Variants in MARF1 observed in about 807,000 individuals in gnomAD.
MARF1 encodes the protein limkain-b1.
MARF1 carries 24 observed loss-of-function variants against 168.2 expected under a neutral mutation model. The ratio of observed to expected loss-of-function variants is 0.14; its 90% CI spans 0.10 to 0.20. The LOEUF (loss-of-function observed/expected upper bound fraction) is 0.20, where lower values mean the gene tolerates loss of function less well. Among genes scored for constraint, MARF1 ranks in the 10% least tolerant of loss-of-function variants. MARF1 has a pLI of 1.00. For missense variants in MARF1, 1,744 were observed against 2,143.6 expected, an observed-to-expected ratio of 0.81 and a Z score of 3.68; for synonymous variants, 868 against 822.4, an observed-to-expected ratio of 1.06 and a Z score of -0.95.
At position 15,636,168 on chromosome 16, in the gene MARF1, T is replaced by C; in HGVS notation, c.319A>G (p.Asn107Asp). 1.2e-6 allele frequency: 2 copies of C among 1,614,206 alleles called. No homozygotes were observed. Among genetic ancestry groups the C allele is most frequent in the African/African-American group, 1.3e-5 (1 of 75,064 alleles). The change falls in exon 3 of 27, where the codon AAT (asparagine) becomes GAT (aspartate). Residue 107 changes from asparagine (N) to aspartate (D), a missense_variant. Physicochemically the swap from Asn to Asp is conservative, Grantham distance 23. This residue lies in a region of MARF1 where 318 missense variants were observed against 336.6 expected (regional missense o/e 0.94). Transcript: ENST00000396368. ...CGCATTGGCGAAGTGGAGGGTTCAT[T>C]AGGGCAATGAGCACAGCAGCTTACT... is the stretch of plus-strand genomic sequence containing the variant. ...PKVSCCAHCP[N>D]EPSTSPMRFG...
At chr16:15,601,642 C>A (rs1372530980) in intron 23 of MARF1, 2 of 382,392 alleles carry the variant, frequency 5.2e-6, no homozygotes, top group Non-Finnish European at 9.6e-6. Flanking sequence ...ACAGGCTCCC[C>A]AGGCTTGGGA....
intron 21 of MARF1, among the ~76,000 whole-genome samples, chr16:15,607,862 C>T (rs771282213): frequency 2.2e-4 from 34 of 152,214 alleles, no homozygotes; most frequent in Non-Finnish European, 3.8e-4. Flanking sequence ...TCGCTTGCTC[C>T]TAAGCCTACT....
chr16:15,600,584 A>T, intron 24 of MARF1, 31 bp from the exon 25 acceptor site: 3 of 1,614,174 alleles, frequency 1.9e-6, no homozygotes, highest in Non-Finnish European at 2.5e-6. Context: ...GTCAGAGAGA[A>T]ATGTCAGTGA....
Position 15,602,071 on chromosome 16 carries a change from T to G in MARF1, c.4546A>C (p.Thr1516Pro), listed in dbSNP as rs1361463666. 6.2e-7 allele frequency: 1 copy of G among 1,614,152 alleles called. No homozygotes were observed. The highest frequency in any genetic ancestry group is 1.7e-5 in the Admixed American group (1 of 60,024). ...TGCAGAGTTTCTCCGACATACTTGG[T>G]ATAGGCCATGGAAAACTCATGAAGG... ...IFLHEFSMAY[T>P]KYVGETLQPK... The change falls in exon 23 of 27, where the codon ACC (threonine) becomes CCC (proline). Residue 1516 changes from threonine (T) to proline (P), a missense_variant. Transcript: ENST00000396368.
At chr16:15,642,407 G>A (rs1251035695) in intron 1 of MARF1, 1 of 152,120 alleles carries the variant, frequency 6.6e-6, no homozygotes, top group Admixed American at 6.5e-5. Flanking sequence ...TAATAAATAG[G>A]AAAACAGTTT....
At chr16:15,638,865 C>T (rs945293149) in intron 2 of MARF1, among the ~76,000 whole-genome samples, 1 of 152,194 alleles carries the variant, frequency 6.6e-6, no homozygotes. Context: ...CAAATTTTAA[C>T]ATTAAATATT....
At chr16:15,614,076 A>G (rs758133480) in intron 16 of MARF1, among the ~76,000 whole-genome samples, 24 of 152,218 alleles carry the variant, frequency 1.6e-4, no homozygotes, top group Non-Finnish European at 2.6e-4. Flanking sequence ...TTGGTCTTTT[A>G]AATTTATTTT....
rs1240840385 is a variant in MARF1, at chr16:15,636,306, G to T, written c.181C>A (p.Leu61Ile). ...TGAAGGGGTGATGGTACATCCTTTA[G>T]TTCCACAGCAACTTTCTTGTTCTCC... ...YMENKKVAVE[L>I]KDVPSPLHAG... Residue 61 changes from leucine (L) to isoleucine (I), a missense_variant, in exon 3 of 27, where the codon CTA (leucine) becomes ATA (isoleucine). This residue lies in a region of MARF1 where 318 missense variants were observed against 336.6 expected (regional missense o/e 0.94). Transcript: ENST00000396368. 3 of 1,576,804 alleles carry T rather than the reference G, an allele frequency of 1.9e-6. No homozygotes were observed. The highest frequency in any genetic ancestry group is 2.6e-6 in the Non-Finnish European group (3 of 1,160,424).
chr16:15,616,575 T>G (rs1280529459), intron 15 of MARF1, among the ~76,000 whole-genome samples: 1 of 152,194 alleles, frequency 6.6e-6, no homozygotes, highest in Non-Finnish European at 1.5e-5. Flanking sequence ...GGATCCCATT[T>G]CAGATAAACA....
chr16:15,643,084 C>G lies in MARF1; in HGVS notation c.-125G>C. ...CGCCTTCCCCCCGCCCCCCCCAGGC[C>G]CTTTGTTTTGATTCCCGACTCCGCA... On this transcript the variant is annotated 5_prime_UTR_variant, in exon 1 of 27. Coordinates refer to ENST00000396368, the MANE Select transcript of MARF1 (RefSeq NM_014647.4). The G allele has an allele frequency of 3.4e-6, 1 of 293,216 alleles. No individual in the cohort carries two copies. The highest frequency in any genetic ancestry group is 6.5e-6 in the Non-Finnish European group (1 of 152,786). The allele number at this position is 293,216 out of a possible 1,614,324, so 18.2% of individuals were successfully genotyped here. A position where few individuals can be genotyped will look rare whatever the true frequency, so the allele number is the denominator to read the frequency against.
intron 2 of MARF1, among the ~76,000 whole-genome samples, chr16:15,637,433 A>C (rs1246274003): frequency 1.3e-5 from 2 of 152,246 alleles, no homozygotes; most frequent in Admixed American, 6.5e-5. Flanking sequence ...GCTCATCTGG[A>C]AGAAATGTGA....
At chr16:15,608,541 G>A (rs1473712566) in intron 20 of MARF1, 23 bp from the exon 21 acceptor site, 5 of 1,554,178 alleles carry the variant, frequency 3.2e-6, no homozygotes, top group East Asian at 2.3e-5. Context: ...ACGGGGGGAG[G>A]AAAGGGAAAA....
rs754960291 is a variant in MARF1 at position 15,639,273 on chromosome 16, T to C, written c.-40A>G. 2 of 1,588,818 alleles carry C rather than the reference T, an allele frequency of 1.3e-6. No individual in the cohort carries two copies. Among genetic ancestry groups the C allele is most frequent in the East Asian group, 2.2e-5 (1 of 44,582 alleles). On this transcript the variant is annotated 5_prime_UTR_variant, in exon 2 of 27. Coordinates refer to ENST00000396368, the MANE Select transcript of MARF1 (RefSeq NM_014647.4). ...TGATTCAACATCCTTTCATCTTTCT[T>C]TTCTTTCATTCTTCCACCCTGTTAA... is the stretch of plus-strand genomic sequence containing the variant.
In MARF1 at chr16:15,636,332, A is replaced by G. The variant is rs2035598438; in HGVS notation, c.155T>C (p.Met52Thr). The G allele has an allele frequency of 1.3e-6, 2 of 1,540,100 alleles. No individual in the cohort carries two copies. ...LPHSPQTKEY[M>T]ENKKVAVELK... ...TTCCACAGCAACTTTCTTGTTCTCC[A>G]TGTACTCTTTCTGAGAAAAGAAAAT... Residue 52 changes from methionine to threonine, a missense_variant, in exon 3 of 27, where the codon ATG (methionine) becomes ACG (threonine). Transcript: ENST00000396368.
At position 15,598,969 on chromosome 16, in the gene MARF1, G is replaced by T; in HGVS notation, c.4869C>A (p.Asp1623Glu). 2 of 1,612,692 alleles carry T rather than the reference G, an allele frequency of 1.2e-6. No homozygotes were observed. The highest frequency in any genetic ancestry group is 1.7e-6 in the Non-Finnish European group (2 of 1,179,502). The change falls in exon 26 of 27, where the codon GAC becomes GAA. Residue 1623 changes from aspartate to glutamate, a missense_variant. This residue lies in a region of MARF1 where 313 missense variants were observed against 337.4 expected (regional missense o/e 0.93). Coordinates refer to ENST00000396368, the MANE Select transcript of MARF1 (RefSeq NM_014647.4). ...LLRLTDDSPV[D>E]LLCAPVPSCL... ...ACGAGGGGACAGGCGCACACAGGAG[G>T]TCGACGGGGGAGTCGTCGGTCAGGC...
rs772007857 is a variant in MARF1, at chr16:15,599,097, C to A, written c.4814-73G>T. ...CCCCAGCACACACCCTGGGCTCACA[C>A]CTGAAGTTTTCCTTCTAAGCCTTAA... is the stretch of plus-strand genomic sequence containing the variant. On this transcript the variant is annotated intron_variant, in intron 25 of 26. Coordinates refer to ENST00000396368, the MANE Select transcript of MARF1 (RefSeq NM_014647.4). 54 of 1,352,600 alleles carry A rather than the reference C, an allele frequency of 4.0e-5. No individual in the cohort carries two copies. The African/African-American group carries it at 7.1e-4, about 18-fold the overall frequency. The allele number at this position is 1,352,600 out of a possible 1,614,324, so 83.8% of individuals were successfully genotyped here.
chr16:15,597,750 G>A (rs186113081), intron 26 of MARF1, among the ~76,000 whole-genome samples: 10 of 152,248 alleles, frequency 6.6e-5, no homozygotes, highest in Middle Eastern at 3.4e-3. Context: ...TCTCTTGTCC[G>A]GTGCATGCAG....
intron 13 of MARF1, 98 bp from the exon 14 acceptor site, chr16:15,617,633 G>T: frequency 1.3e-6 from 1 of 789,742 alleles, no homozygotes; most frequent in Non-Finnish European, 2.1e-6. Context: ...ACCAAGAATG[G>T]TTCCTCCATC....
At chr16:15,603,466 G>A (rs2032709804) in intron 22 of MARF1, among the ~76,000 whole-genome samples, 1 of 151,990 alleles carries the variant, frequency 6.6e-6, no homozygotes, top group Non-Finnish European at 1.5e-5. Flanking sequence ...GTACCACCTT[G>A]CCGGGCCCCA....
Sources: allele counts gnomAD v4.1 joint callset (sites outside exome capture counted in the v4.1 genomes callset), GRCh38; gene constraint gnomAD v4.1.1; regional missense constraint gnomAD v4.1.1; transcripts MANE v1.5; gene names NCBI Gene and HGNC (gene_info 2026-07-23, HGNC 2026-07-21).